The following GALNT18 variants were observed in gnomAD, a reference collection of about 807,000 sequenced individuals.
GALNT18 encodes polypeptide N-acetylgalactosaminyltransferase 18.
GALNT18 carries 44 observed loss-of-function variants against 69.5 expected under a neutral mutation model. The observed-to-expected ratio is 0.63, with a 90% CI of 0.50 to 0.81. The LOEUF is 0.81. GALNT18 is among the 40% of genes least tolerant of loss of function. The pLI is 0.00. For synonymous variants in GALNT18, 364 were observed against 318.2 expected (o/e 1.14, Z -1.53); for missense variants, 715 against 810.0 (o/e 0.88, Z 1.42).
intron 1 of GALNT18, among the ~76,000 whole-genome samples, chr11:11,581,309 G>A (rs1859077465): frequency 6.6e-6 from 1 of 152,182 alleles, no homozygotes; most frequent in South Asian, 2.1e-4. Context: ...ACTGGCTGTG[G>A]CCAATGTGAC....
intron 1 of GALNT18, among the ~76,000 whole-genome samples, chr11:11,483,658 C>G (rs1302151681): frequency 6.6e-6 from 1 of 151,646 alleles, no homozygotes; most frequent in Non-Finnish European, 1.5e-5. Flanking sequence ...CTTCATAAGA[C>G]CATTCTGAAA....
At chr11:11,412,976 G>A (rs1382942907) in intron 3 of GALNT18, among the ~76,000 whole-genome samples, 1 of 152,152 alleles carries the variant, frequency 6.6e-6, no homozygotes, top group Admixed American at 6.5e-5. Flanking sequence ...CCTCTCTCAA[G>A]GGGGATCATT....
At chr11:11,399,862 C>T (rs993988327) in intron 3 of GALNT18, among the ~76,000 whole-genome samples, 1 of 152,170 alleles carries the variant, frequency 6.6e-6, no homozygotes, top group Non-Finnish European at 1.5e-5. Context: ...TAACATTTAT[C>T]GAGCACTTAC....
chr11:11,388,793 A>G (rs1412057747), intron 3 of GALNT18, among the ~76,000 whole-genome samples: 1 of 152,234 alleles, frequency 6.6e-6, no homozygotes, highest in Non-Finnish European at 1.5e-5. Flanking sequence ...TCACTCAACA[A>G]TGATATATTA....
At position 11,341,453 on chromosome 11, in the gene GALNT18, A is replaced by G. The variant is rs2133057318; in HGVS notation, c.1093-449T>C. Among the ~76,000 whole-genome samples the G allele has an allele frequency of 6.6e-6, 1 of 152,190 alleles. No individual in the cohort carries two copies. The highest frequency in any genetic ancestry group is 1.5e-5 in the Non-Finnish European group (1 of 68,016). ...TCAAATGGACCACATGGGCCTGGAC[A>G]AGAATTAGTGATCACCACAGAGAAG... On this transcript the variant is annotated intron_variant, in intron 6 of 10. Transcript: ENST00000227756. This position sits in a 1 kb window ranked among gnomAD's most constrained non-coding sequence, Gnocchi z 6.3.
At chr11:11,522,525 G>A (rs538478455) in intron 1 of GALNT18, among the ~76,000 whole-genome samples, 42 of 152,106 alleles carry the variant, frequency 2.8e-4, no homozygotes, top group African/African-American at 7.0e-4. Context: ...GCAGCCCTGC[G>A]TCAGCTGTCC....
At chr11:11,412,905 C>G (rs1455354012) in intron 3 of GALNT18, among the ~76,000 whole-genome samples, 1 of 152,124 alleles carries the variant, frequency 6.6e-6, no homozygotes, top group Admixed American at 6.5e-5. Flanking sequence ...ATTAACACCC[C>G]CAGAAAGCAA....
chr11:11,397,498 C>G (rs1854361464), intron 3 of GALNT18, among the ~76,000 whole-genome samples: 1 of 152,204 alleles, frequency 6.6e-6, no homozygotes, highest in Non-Finnish European at 1.5e-5. Flanking sequence ...AGGGTTCACT[C>G]TGTTGCCTAA....
intron 1 of GALNT18, among the ~76,000 whole-genome samples, chr11:11,522,291 CTGGA>C (rs1590070307): frequency 6.6e-6 from 1 of 152,226 alleles, no homozygotes; most frequent in East Asian, 1.9e-4. Context: ...GCTGCCCAAA[CTGGA>C]AGCTCTTAAG....
Position 11,500,282 on chromosome 11 carries a change from G to A in GALNT18, c.236-51346C>T, listed in dbSNP as rs199627642. Among the ~76,000 whole-genome samples the A allele has an allele frequency of 2.6e-5, 4 of 152,288 alleles. No individual in the cohort carries two copies. The East Asian group carries it at 7.7e-4, about 29-fold the overall frequency. On this transcript the variant is annotated intron_variant, in intron 1 of 10. Coordinates refer to ENST00000227756, the MANE Select transcript of GALNT18 (RefSeq NM_198516.3). This position sits in a 1 kb window ranked among gnomAD's most constrained non-coding sequence, Gnocchi z 5.0. ...AGAACCTGCAGGAGGCTGGCCTCCC[G>A]GGAGTCCCTAATACTGGCGGACAGA... is the stretch of plus-strand genomic sequence containing the variant.
chr11:11,482,468 G>C (rs752382494), intron 1 of GALNT18, among the ~76,000 whole-genome samples: 2 of 152,204 alleles, frequency 1.3e-5, no homozygotes, highest in African/African-American at 4.8e-5. Flanking sequence ...AATGTACAGA[G>C]GCAGAGAGAA....
At chr11:11,557,713 G>A (rs187629729) in intron 1 of GALNT18, among the ~76,000 whole-genome samples, 1 of 152,320 alleles carries the variant, frequency 6.6e-6, no homozygotes, top group East Asian at 1.9e-4. Context: ...TGGGGACCCA[G>A]AGAAGCAAAG....
rs557702819 is a variant in GALNT18 at position 11,375,036 on chromosome 11, G to A, written c.977+2146C>T. The stretch of plus-strand genomic sequence containing the variant: ...CAGTTTGAAAGAAATTTCTCACGTG[G>A]ATTTTCTTAATGGGGTCACCTGGCG... On this transcript the variant is annotated intron_variant, in intron 5 of 10. Transcript: ENST00000227756. Among the ~76,000 whole-genome samples the A allele has an allele frequency of 1.2e-4, 19 of 152,314 alleles. 1 individual carries two copies. The South Asian group carries it at 2.1e-3, about 17-fold the overall frequency.
At chr11:11,472,764 C>A (rs1006791455) in intron 1 of GALNT18, among the ~76,000 whole-genome samples, 3 of 152,122 alleles carry the variant, frequency 2.0e-5, no homozygotes, top group African/African-American at 7.2e-5. Context: ...TCAGAATAAA[C>A]CATGGGATAG....
At position 11,619,948 on chromosome 11, in the gene GALNT18, G is replaced by A. The variant is rs1860146789; in HGVS notation, c.235+1411C>T. Among the ~76,000 whole-genome samples, 1 of 152,156 alleles carries A rather than the reference G, an allele frequency of 6.6e-6. No individual in the cohort carries two copies. The highest frequency in any genetic ancestry group is 1.5e-5 in the Non-Finnish European group (1 of 68,036). ...GAAGTCATTAGTCAGGAAGCACTAT[G>A]GATGTGGATGCCTCTCCTGCACTCA... is the stretch of plus-strand genomic sequence containing the variant. On this transcript the variant is annotated intron_variant, in intron 1 of 10. Coordinates refer to ENST00000227756, the MANE Select transcript of GALNT18 (RefSeq NM_198516.3). The surrounding 1 kb of genome is among the most constrained non-coding windows in gnomAD (Gnocchi z 4.9).
intron 6 of GALNT18, among the ~76,000 whole-genome samples, chr11:11,361,354 G>A (rs1042754810): frequency 1.3e-5 from 2 of 152,116 alleles, no homozygotes; most frequent in Non-Finnish European, 2.9e-5. Context: ...CTCTCTCTGT[G>A]CTTCAGTATA....
intron 2 of GALNT18, among the ~76,000 whole-genome samples, chr11:11,443,899 C>T (rs1329781371): frequency 1.3e-5 from 2 of 152,240 alleles, no homozygotes; most frequent in African/African-American, 4.8e-5. Flanking sequence ...GCCAAGGGGC[C>T]TGGATCCTTG....
At chr11:11,471,761 A>G (rs543355720) in intron 1 of GALNT18, among the ~76,000 whole-genome samples, 1 of 152,346 alleles carries the variant, frequency 6.6e-6, no homozygotes, top group South Asian at 2.1e-4. Flanking sequence ...TAGGCAGGAT[A>G]GAAATTCTGT....
At chr11:11,522,420 A>T (rs968420691) in intron 1 of GALNT18, among the ~76,000 whole-genome samples, 1 of 152,088 alleles carries the variant, frequency 6.6e-6, no homozygotes, top group African/African-American at 2.4e-5. Flanking sequence ...GAAGGAGGGG[A>T]TGAGAGTGTC....
Sources: allele counts gnomAD v4.1 joint callset (sites outside exome capture counted in the v4.1 genomes callset), GRCh38; gene constraint gnomAD v4.1.1; non-coding constraint Gnocchi (gnomAD v3.1); transcripts MANE v1.5; gene names NCBI Gene and HGNC (gene_info 2026-07-23, HGNC 2026-07-21).